PIK3R1: variants seen among roughly 807,000 people sequenced by gnomAD.
PIK3R1 encodes the protein phosphoinositide-3-kinase regulatory subunit 1.
A neutral mutation model predicts 98.0 loss-of-function variants in PIK3R1; 29 were observed. The observed-to-expected ratio is 0.30, with a 90% confidence interval of 0.22 to 0.40. The LOEUF (loss-of-function observed/expected upper bound fraction) is 0.40. PIK3R1 is among the 10% of genes least tolerant of loss of function. PIK3R1 has a pLI of 1.00. For missense variants in PIK3R1, 596 were observed against 872.7 expected (o/e 0.68, Z 3.99); for synonymous variants, 282 against 311.8 (o/e 0.90, Z 1.01).
chr5:68,234,747 G>A (rs900206655), intron 2 of PIK3R1, among the ~76,000 whole-genome samples: 4 of 152,324 alleles, frequency 2.6e-5, no homozygotes, highest in African/African-American at 9.6e-5. Flanking sequence ...AGTAGAGAGT[G>A]ATGGTTATAA....
chr5:68,256,432 G>A (rs1456066974), intron 2 of PIK3R1, among the ~76,000 whole-genome samples: 3 of 152,056 alleles, frequency 2.0e-5, no homozygotes, highest in African/African-American at 4.8e-5. Context: ...GGGTTTCACC[G>A]TGTTCACCAG....
At position 68,295,411 on chromosome 5, in the gene PIK3R1, G is replaced by A. The variant is rs774352302; in HGVS notation, c.1746-9G>A. The A allele has an allele frequency of 1.2e-6, 2 of 1,614,128 alleles. No homozygotes were observed. Among genetic ancestry groups the A allele is most frequent in the East Asian group, 2.2e-5 (1 of 44,868 alleles). On this transcript the variant is annotated splice_polypyrimidine_tract_variant and intron_variant, in intron 13 of 15. Coordinates refer to ENST00000521381, the MANE Select transcript of PIK3R1 (RefSeq NM_181523.3). ...GTTAATGCGTTCTCTTTTCAAAACT[G>A]TTTTTCAGGTGGTTGACTCAAAAAG...
At position 68,301,080 on chromosome 5, in the gene PIK3R1, T is replaced by C; in HGVS notation, c.*3479T>C. On this transcript the variant is annotated 3_prime_UTR_variant, in exon 16 of 16. Transcript: ENST00000521381. ...GGTTTTAACAACTGTGCTTTTGCTA[T>C]GTATGGTATCCAAGTTAGTTGAAAC... The C allele has an allele frequency of 4.3e-6, 1 of 231,456 alleles. No individual in the cohort carries two copies. The highest frequency in any genetic ancestry group is 6.2e-5 in the East Asian group (1 of 16,230). 14.3% of individuals were successfully genotyped at this position (231,456 alleles called of 1,614,324 possible). A position where few individuals can be genotyped will look rare whatever the true frequency, so the allele number is the denominator to read the frequency against.
Position 68,279,637 on chromosome 5 carries a change from C to T in PIK3R1, c.538C>T (p.His180Tyr). 1 of 1,613,666 alleles carries T rather than the reference C, an allele frequency of 6.2e-7. No homozygotes were observed. The highest frequency in any genetic ancestry group is 8.5e-7 in the Non-Finnish European group (1 of 1,179,670). The change falls in exon 5 of 16, where the codon CAC (histidine) becomes TAC (tyrosine). Residue 180 changes from histidine to tyrosine, a missense_variant. Physicochemically the swap from His to Tyr is moderately conservative, Grantham distance 83. Transcript: ENST00000521381. The part of the protein sequence containing the change: ...PSVDLEMIDV[H>Y]VLADAFKRYL... ...CGTGGACTTGGAAATGATCGATGTG[C>T]ACGTTTTGGCTGACGCTTTCAAACG...
At chr5:68,218,356 A>G (rs1374977406) in intron 1 of PIK3R1, among the ~76,000 whole-genome samples, 1 of 151,978 alleles carries the variant, frequency 6.6e-6, no homozygotes, top group Non-Finnish European at 1.5e-5. Context: ...ATTTCTTTAC[A>G]TTTTTCCATG....
chr5:68,220,331 A>G (rs1744050458), intron 1 of PIK3R1, among the ~76,000 whole-genome samples: 1 of 152,176 alleles, frequency 6.6e-6, no homozygotes, highest in Non-Finnish European at 1.5e-5. Context: ...CATCCCCTTC[A>G]GTCCTCTCAT....
intron 2 of PIK3R1, among the ~76,000 whole-genome samples, chr5:68,267,684 A>G (rs1746181628): frequency 1.3e-5 from 2 of 152,048 alleles, no homozygotes; most frequent in South Asian, 2.1e-4. Context: ...GCCACACTCA[A>G]TATAATTTAG....
chr5:68,273,328 TTGTGGTCTAA>T, intron 2 of PIK3R1, 52 bp from the exon 3 acceptor site: 1 of 1,358,462 alleles, frequency 7.4e-7, no homozygotes, highest in Non-Finnish European at 1.1e-6. Flanking sequence ...ACGTCCTTCA[TTGTGGTCTAA>T]TGCATTCAAC....
chr5:68,217,068 G>A (rs931632823), intron 1 of PIK3R1, among the ~76,000 whole-genome samples: 5 of 152,056 alleles, frequency 3.3e-5, no homozygotes, highest in African/African-American at 1.2e-4. Context: ...TTTATTTGGG[G>A]GCTTCATGAT....
chr5:68,293,597 A>G, intron 10 of PIK3R1, 112 bp from the exon 11 acceptor site: 4 of 1,147,194 alleles, frequency 3.5e-6, no homozygotes, highest in Non-Finnish European at 5.0e-6. Flanking sequence ...AAAACTTGAC[A>G]CTCGTAATTA....
In PIK3R1 at chr5:68,297,605, G is replaced by T. The variant is rs201345202; in HGVS notation, c.*4G>T. On this transcript the variant is annotated 3_prime_UTR_variant, in exon 16 of 16. Transcript: ENST00000521381. ...ATATGCACAGCAGAGGCGATGAAGCGCTTACTCTTTGATCCTTCTCCTGAA... is the reference window on the plus strand; with the variant it reads ...ATATGCACAGCAGAGGCGATGAAGCTCTTACTCTTTGATCCTTCTCCTGAA... 6.2e-7 allele frequency: 1 copy of T among 1,612,514 alleles called. No homozygotes were observed.
intron 2 of PIK3R1, among the ~76,000 whole-genome samples, chr5:68,227,571 T>A (rs1398363840): frequency 6.6e-6 from 1 of 152,174 alleles, no homozygotes; most frequent in Non-Finnish European, 1.5e-5. Context: ...GGAGGGTAAG[T>A]CTAATATAAG....
intron 7 of PIK3R1, chr5:68,288,582 C>T: frequency 6.5e-7 from 1 of 1,530,504 alleles, no homozygotes; most frequent in Non-Finnish European, 8.7e-7. Context: ...CGCCCCCGCT[C>T]CTGCGCGCAC....
intron 1 of PIK3R1, among the ~76,000 whole-genome samples, chr5:68,219,950 C>T (rs749363279): frequency 2.6e-5 from 4 of 152,048 alleles, no homozygotes; most frequent in Non-Finnish European, 4.4e-5. Flanking sequence ...AATTGTTGTA[C>T]TTAGAGTGAT....
chr5:68,232,244 T>G (rs1021799382), intron 2 of PIK3R1, among the ~76,000 whole-genome samples: 3 of 152,246 alleles, frequency 2.0e-5, no homozygotes, highest in Non-Finnish European at 4.4e-5. Flanking sequence ...ATATTCTCAA[T>G]ACATTCTTGA....
At chr5:68,232,201 A>G (rs1187916904) in intron 2 of PIK3R1, among the ~76,000 whole-genome samples, 1 of 152,246 alleles carries the variant, frequency 6.6e-6, no homozygotes, top group Non-Finnish European at 1.5e-5. Flanking sequence ...TAAATTACTT[A>G]TTGCAACACA....
intron 2 of PIK3R1, among the ~76,000 whole-genome samples, chr5:68,237,523 A>C (rs536635503): frequency 6.6e-5 from 10 of 152,138 alleles, no homozygotes; most frequent in African/African-American, 2.4e-4. Flanking sequence ...AGTCTCTCAA[A>C]GGTAGTGAGT....
At position 68,292,093 on chromosome 5, in the gene PIK3R1, AT is replaced by A. The variant is rs540174708; in HGVS notation, c.917-158del. Reference sequence around the variant, plus strand: ...TTCTTTTTGAGCCATGCTCTGAAAGATTTTTTTTAAGAAAATTATCTTCCAT... The same window carrying A: ...TTCTTTTTGAGCCATGCTCTGAAAGATTTTTTTAAGAAAATTATCTTCCAT... On this transcript the variant is annotated intron_variant, in intron 7 of 15. Coordinates refer to ENST00000521381, the MANE Select transcript of PIK3R1 (RefSeq NM_181523.3). 338 of 449,164 alleles carry A rather than the reference AT, an allele frequency of 7.5e-4. 1 individual carries two copies. The highest frequency in any genetic ancestry group is 5.3e-3 in the African/African-American group (261 of 49,420). The allele number at this position is 449,164 out of a possible 1,614,324, so 27.8% of individuals were successfully genotyped here. A position where few individuals can be genotyped will look rare whatever the true frequency, so the allele number is the denominator to read the frequency against.
chr5:68,223,606 T>C lies in PIK3R1; in HGVS notation c.-386-2684T>C, dbSNP rs561178521. Among the ~76,000 whole-genome samples the C allele has an allele frequency of 5.3e-5, 8 of 152,326 alleles. No homozygotes were observed. In the East Asian group the frequency reaches 1.5e-3, roughly 29 times the overall value. Reference sequence around the variant, plus strand: ...GACCCAGAGTTCTGCACAGGGTTCTTCTTACCCACAAAGTAAGGTTCTTCT... The same window carrying C: ...GACCCAGAGTTCTGCACAGGGTTCTCCTTACCCACAAAGTAAGGTTCTTCT... On this transcript the variant is annotated intron_variant, in intron 1 of 15. Coordinates refer to ENST00000521381, the MANE Select transcript of PIK3R1 (RefSeq NM_181523.3).
Sources: allele counts gnomAD v4.1 joint callset (sites outside exome capture counted in the v4.1 genomes callset), GRCh38; gene constraint gnomAD v4.1.1; transcripts MANE v1.5; gene names NCBI Gene and HGNC (gene_info 2026-07-23, HGNC 2026-07-21).